The following PPP4R3A variants were observed in gnomAD, a reference collection of about 807,000 sequenced individuals.
The protein encoded by PPP4R3A is serine/threonine-protein phosphatase 4 regulatory subunit 3A.
In PPP4R3A, 15 loss-of-function variants were observed where a neutral mutation model predicts 91.7. The ratio of observed to expected loss-of-function variants is 0.16; its 90% confidence interval spans 0.11 to 0.25. The LOEUF is 0.25. PPP4R3A is among the 10% of genes least tolerant of loss of function. The pLI, the probability that PPP4R3A is intolerant of heterozygous loss-of-function variation, is 1.00. For missense variants in PPP4R3A, 623 were observed against 998.4 expected, an observed-to-expected ratio of 0.62 and a Z score of 5.07; for synonymous variants, 377 against 348.7, an observed-to-expected ratio of 1.08 and a Z score of -0.91.
At chr14:91,499,327 GA>G (rs1315169308) in intron 1 of PPP4R3A, among the ~76,000 whole-genome samples, 4 of 151,908 alleles carry the variant, frequency 2.6e-5, no homozygotes, top group Non-Finnish European at 5.9e-5. Context: ...GGTATCCTGA[GA>G]AAAAAAGTTC....
chr14:91,507,414 T>A (rs1260164519), intron 1 of PPP4R3A, among the ~76,000 whole-genome samples: 5 of 100,050 alleles, frequency 5.0e-5, no homozygotes, highest in Non-Finnish European at 1.1e-4. Context: ...TTATATATAC[T>A]ATATAATATA....
chr14:91,471,765 C>G (rs2140090108), intron 9 of PPP4R3A, among the ~76,000 whole-genome samples: 1 of 152,124 alleles, frequency 6.6e-6, no homozygotes, highest in African/African-American at 2.4e-5. Flanking sequence ...TATAATTATG[C>G]TATATTAAGA....
intron 11 of PPP4R3A, among the ~76,000 whole-genome samples, chr14:91,463,827 A>AG (rs1491564913): frequency 6.6e-6 from 1 of 152,150 alleles, no homozygotes; most frequent in African/African-American, 2.4e-5. Flanking sequence ...TGCGTGTCAC[A>AG]GGGGTTTGGT....
intron 2 of PPP4R3A, among the ~76,000 whole-genome samples, chr14:91,487,823 C>T (rs754988770): frequency 6.6e-5 from 10 of 152,148 alleles, no homozygotes; most frequent in Non-Finnish European, 1.3e-4. Flanking sequence ...CTCAGGTGGT[C>T]CTTCCACCTC....
chr14:91,464,390 C>T (rs1187981925), intron 11 of PPP4R3A, among the ~76,000 whole-genome samples: 1 of 147,862 alleles, frequency 6.8e-6, no homozygotes, highest in African/African-American at 2.5e-5. Flanking sequence ...ATGGTGATGG[C>T]TGCCAACAAT....
intron 12 of PPP4R3A, 60 bp from the exon 13 acceptor site, chr14:91,462,299 G>C: frequency 5.0e-6 from 7 of 1,404,852 alleles, no homozygotes; most frequent in Non-Finnish European, 6.5e-6. Context: ...TACTGTTACA[G>C]ATGACTTATT....
At chr14:91,475,429 T>C (rs1889136678) in intron 7 of PPP4R3A, 2 of 207,534 alleles carry the variant, frequency 9.6e-6, no homozygotes, top group African/African-American at 2.4e-5. Flanking sequence ...GTGCTACATT[T>C]CTTCATTCTT....
intron 2 of PPP4R3A, 149 bp downstream of exon 2, chr14:91,490,598 T>A: frequency 1.6e-6 from 1 of 621,052 alleles, no homozygotes; most frequent in Non-Finnish European, 2.8e-6. Context: ...TATTAAACAC[T>A]ATAGGAATTG....
chr14:91,476,526 T>A lies in PPP4R3A; in HGVS notation c.994-2A>T. 1 of 1,550,128 alleles carries A rather than the reference T, an allele frequency of 6.5e-7. No homozygotes were observed. Reference sequence around the variant, plus strand: ...ACAAAATTCTTTTAAAAAGTTAACCTGAAATTAGAAAAAAGGATAAGTGAT... The same window carrying A: ...ACAAAATTCTTTTAAAAAGTTAACCAGAAATTAGAAAAAAGGATAAGTGAT... On this transcript the variant is annotated splice_acceptor_variant, in intron 5 of 14. Transcript: ENST00000554943. LOFTEE classifies it high-confidence loss of function.
At position 91,476,816 on chromosome 14, in the gene PPP4R3A, C is replaced by T. The variant is rs933038793; in HGVS notation, c.993+93G>A. Reference sequence around the variant, plus strand: ...TTCTGACCTCGTGATCCACCCACCTCGGCCTCCCAAAGTGCTGGGATTTAC... The same window carrying T: ...TTCTGACCTCGTGATCCACCCACCTTGGCCTCCCAAAGTGCTGGGATTTAC... On this transcript the variant is annotated intron_variant, in intron 5 of 14. Transcript: ENST00000554943. The T allele has an allele frequency of 8.7e-5, 92 of 1,055,886 alleles. 2 individuals are homozygous for T. Among genetic ancestry groups the T allele is most frequent in the South Asian group, 6.9e-4 (46 of 66,722 alleles). The allele number at this position is 1,055,886 out of a possible 1,614,324, so 65.4% of individuals were successfully genotyped here.
intron 2 of PPP4R3A, 137 bp downstream of exon 2, chr14:91,490,610 C>G (rs1290607750): frequency 1.5e-6 from 1 of 647,344 alleles, no homozygotes; most frequent in East Asian, 3.3e-5. Context: ...TAGGAATTGG[C>G]AGAAATCCTA....
chr14:91,478,719 A>G (rs1338340592), intron 4 of PPP4R3A, among the ~76,000 whole-genome samples: 3 of 147,312 alleles, frequency 2.0e-5, no homozygotes, highest in African/African-American at 7.3e-5. Context: ...AGGAGAACTC[A>G]GTATTTTAGT....
Position 91,465,376 on chromosome 14 carries a change from C to T in PPP4R3A, c.1704G>A (p.Glu568=). 6.2e-7 allele frequency: 1 copy of T among 1,601,668 alleles called. No homozygotes were observed. The change falls in exon 11 of 15, where the codon GAG becomes GAA. Residue 568 remains glutamate, a synonymous_variant. Coordinates refer to ENST00000554943, the MANE Select transcript of PPP4R3A (RefSeq NM_001366432.2). Reference sequence around the variant, plus strand: ...TTTTCATTATGTAGCGGTTGTAAAACTCATCTTTTAATCCAATAATCTTTC... The same window carrying T: ...TTTTCATTATGTAGCGGTTGTAAAATTCATCTTTTAATCCAATAATCTTTC... ...FKRKIIGLKD[E]FYNRYIMKSF...
intron 1 of PPP4R3A, 84 bp downstream of exon 1, chr14:91,509,422 C>T (rs1891632947): frequency 2.6e-6 from 4 of 1,517,212 alleles, no homozygotes; most frequent in Non-Finnish European, 3.5e-6. Context: ...TCTCGTGGAG[C>T]GAGCGCCATG....
In PPP4R3A at chr14:91,510,212, C is replaced by T. The variant is rs1407035355; in HGVS notation, c.-565G>A. The T allele has an allele frequency of 6.5e-6, 1 of 152,876 alleles. No homozygotes were observed. The highest frequency in any genetic ancestry group is 2.4e-5 in the African/African-American group (1 of 41,448). The allele number at this position is 152,876 out of a possible 1,614,324, so 9.5% of individuals were successfully genotyped here. A position where few individuals can be genotyped will look rare whatever the true frequency, so the allele number is the denominator to read the frequency against. Reference sequence around the variant, plus strand: ...AGGGCCCCCGGCCGCCCAAGCGACCCGGACTAGTGGAAGTCGGTTTCCCTC... The same window carrying T: ...AGGGCCCCCGGCCGCCCAAGCGACCTGGACTAGTGGAAGTCGGTTTCCCTC... On this transcript the variant is annotated 5_prime_UTR_variant, in exon 1 of 15. Coordinates refer to ENST00000554943, the MANE Select transcript of PPP4R3A (RefSeq NM_001366432.2).
At position 91,493,730 on chromosome 14, in the gene PPP4R3A, C is replaced by T. The variant is rs748365001; in HGVS notation, c.143-2928G>A. Among the ~76,000 whole-genome samples the T allele has an allele frequency of 3.3e-5, 5 of 149,546 alleles. 1 individual carries two copies. The highest frequency in any genetic ancestry group is 1.9e-4 in the East Asian group (1 of 5,172). On this transcript the variant is annotated intron_variant, in intron 1 of 14. Transcript: ENST00000554943. The stretch of plus-strand genomic sequence containing the variant: ...AAAAATTGCATTCTATTATTCTCCA[C>T]GGAAATCATAAAGTATATAAAGTAC...
chr14:91,483,256 A>C (rs936894328), intron 3 of PPP4R3A, among the ~76,000 whole-genome samples: 2 of 152,220 alleles, frequency 1.3e-5, no homozygotes, highest in Non-Finnish European at 2.9e-5. Flanking sequence ...ATTAGACCTT[A>C]TATGGAAAAG....
intron 1 of PPP4R3A, among the ~76,000 whole-genome samples, chr14:91,507,420 A>G (rs10137129): frequency 0.53 from 42,968 of 80,444 alleles, 11,994 homozygotes; most frequent in African/African-American, 0.7. Flanking sequence ...ATACTATATA[A>G]TATATATACT....
chr14:91,464,382 G>C (rs1438648200), intron 11 of PPP4R3A, among the ~76,000 whole-genome samples: 1 of 145,840 alleles, frequency 6.9e-6, no homozygotes, highest in Non-Finnish European at 1.5e-5. Context: ...GATGAATAAT[G>C]GTGATGGCTG....
Sources: allele counts gnomAD v4.1 joint callset (sites outside exome capture counted in the v4.1 genomes callset), GRCh38; gene constraint gnomAD v4.1.1; transcripts MANE v1.5; gene names NCBI Gene and HGNC (gene_info 2026-07-23, HGNC 2026-07-21).